TTI2: variants seen among roughly 807,000 people sequenced by gnomAD.
TTI2 encodes the protein TELO2 interacting protein 2.
Under a neutral mutation model 44.9 loss-of-function variants are expected in TTI2, and 26 were observed. That is an observed-to-expected ratio of 0.58 (90% CI 0.42 to 0.80). TTI2 has a LOEUF of 0.80. Among genes scored for constraint, TTI2 ranks in the 30% least tolerant of loss-of-function variants. TTI2 has a pLI of 0.00. For synonymous variants in TTI2, 254 were observed against 250.9 expected, an observed-to-expected ratio of 1.01 and a Z score of -0.12; for missense variants, 582 against 611.6, an observed-to-expected ratio of 0.95 and a Z score of 0.51.
At position 33,512,058 on chromosome 8, in the gene TTI2, C is replaced by G. The variant is rs1185991901; in HGVS notation, c.556G>C (p.Gly186Arg). 6 of 1,614,098 alleles carry G rather than the reference C, an allele frequency of 3.7e-6. No homozygotes were observed. Among genetic ancestry groups the G allele is most frequent in the Non-Finnish European group, 5.1e-6 (6 of 1,180,004 alleles). Residue 186 changes from glycine (G) to arginine (R), a missense_variant, in exon 2 of 8, where the codon GGT (glycine) becomes CGT (arginine). Physicochemically the swap from Gly to Arg is moderately radical, Grantham distance 125 (BLOSUM62 -2). Coordinates refer to ENST00000431156, the MANE Select transcript of TTI2 (RefSeq NM_001102401.4). ...CCATGTAGGAATCCTGCCACAGAAC[C>G]GCATTCAGTAACTTGAAGCAGTGAG... Reference protein sequence around the residue: ...LTSLLQVTECGSVAGFLHGEN... With the variant: ...LTSLLQVTECRSVAGFLHGEN...
chr8:33,508,617 CA>C (rs55717202), intron 3 of TTI2, among the ~76,000 whole-genome samples: 67 of 63,968 alleles, frequency 1.0e-3, no homozygotes, highest in South Asian at 6.3e-3. Flanking sequence ...GACTCTGCCT[CA>C]AAAAAAAAAA....
At chr8:33,505,779 G>A (rs924019830) in intron 4 of TTI2, among the ~76,000 whole-genome samples, 2 of 152,054 alleles carry the variant, frequency 1.3e-5, no homozygotes, top group East Asian at 1.9e-4. Flanking sequence ...TCAGCCTTCC[G>A]AGTAGCTGTG....
chr8:33,509,629 TA>T, intron 3 of TTI2, 116 bp downstream of exon 3: 1 of 1,018,966 alleles, frequency 9.8e-7, no homozygotes, highest in Non-Finnish European at 1.5e-6. Context: ...AGGAAAAATA[TA>T]AGGAGAAAAT....
intron 7 of TTI2, 159 bp downstream of exon 7, chr8:33,500,169 T>C (rs1809013723): frequency 2.7e-6 from 2 of 729,130 alleles, no homozygotes; most frequent in East Asian, 5.5e-5. Flanking sequence ...AGAAAAAAGA[T>C]CAAGCTCTTT....
intron 4 of TTI2, 79 bp from the exon 5 acceptor site, chr8:33,504,014 A>G (rs1809205517): frequency 1.4e-6 from 2 of 1,448,116 alleles, no homozygotes; most frequent in South Asian, 2.3e-5. Flanking sequence ...CTAGAACTTC[A>G]TTAATCTACC....
intron 6 of TTI2, among the ~76,000 whole-genome samples, chr8:33,501,496 C>T (rs1047924085): frequency 1.8e-4 from 28 of 152,098 alleles, no homozygotes; most frequent in African/African-American, 5.8e-4. Flanking sequence ...CAATCTGATT[C>T]GATTTTATTC....
chr8:33,507,108 A>T, intron 4 of TTI2, 121 bp downstream of exon 4: 1 of 865,634 alleles, frequency 1.2e-6, no homozygotes, highest in Non-Finnish European at 1.9e-6. Context: ...CAACGCTTTT[A>T]GTTATCATCC....
At chr8:33,509,995 A>G (rs1809466957) in intron 2 of TTI2, 63 bp from the exon 3 acceptor site, 1 of 1,324,412 alleles carries the variant, frequency 7.6e-7, no homozygotes, top group Non-Finnish European at 1.0e-6. Context: ...AAAAAAAAAA[A>G]AAAACTACTT....
intron 4 of TTI2, among the ~76,000 whole-genome samples, chr8:33,504,296 T>TTTTTTTC (rs1809219217): frequency 7.7e-6 from 1 of 129,810 alleles, no homozygotes; most frequent in Admixed American, 7.7e-5. Flanking sequence ...CACATTTTTT[T>TTTTTTTC]TTTTTTTTTT....
intron 4 of TTI2, among the ~76,000 whole-genome samples, chr8:33,505,399 A>G (rs1809258130): frequency 1.3e-5 from 2 of 152,044 alleles, no homozygotes; most frequent in South Asian, 4.1e-4. Flanking sequence ...TTCATCCTTC[A>G]TAAAGCTAAG....
At chr8:33,508,963 G>A (rs1046759081) in intron 3 of TTI2, among the ~76,000 whole-genome samples, 3 of 151,704 alleles carry the variant, frequency 2.0e-5, no homozygotes, top group East Asian at 3.9e-4. Flanking sequence ...CCAATATGGT[G>A]AAACCCCATT....
chr8:33,503,942 G>A lies in TTI2; in HGVS notation c.928-7C>T. On this transcript the variant is annotated splice_region_variant and splice_polypyrimidine_tract_variant and intron_variant, in intron 4 of 7. Transcript: ENST00000431156. ...GCAGACACAGGAGCACAGCCTAGGA[G>A]GAAGGAATGGAAGGACGGTGCATAG... The A allele has an allele frequency of 1.2e-6, 2 of 1,613,776 alleles. No individual in the cohort carries two copies. The highest frequency in any genetic ancestry group is 1.7e-6 in the Non-Finnish European group (2 of 1,179,908).
chr8:33,505,177 C>G lies in TTI2; in HGVS notation c.928-1242G>C, dbSNP rs1273568261. Among the ~76,000 whole-genome samples, 3 of 152,004 alleles carry G rather than the reference C, an allele frequency of 2.0e-5. No individual in the cohort carries two copies. The South Asian group carries it at 6.2e-4, about 32-fold the overall frequency. Reference sequence around the variant, plus strand: ...GGCGAAGGTTGCAATGTGCCAAGATCGCGCCACTGTACTCCGGCCTGCATG... The same window carrying G: ...GGCGAAGGTTGCAATGTGCCAAGATGGCGCCACTGTACTCCGGCCTGCATG... On this transcript the variant is annotated intron_variant, in intron 4 of 7. Coordinates refer to ENST00000431156, the MANE Select transcript of TTI2 (RefSeq NM_001102401.4).
chr8:33,503,438 G>C lies in TTI2; in HGVS notation c.1250C>G (p.Thr417Ser), dbSNP rs199664580. The C allele has an allele frequency of 4.5e-4, 720 of 1,614,164 alleles. 11 individuals carry two copies. The South Asian group carries it at 7.5e-3, about 17-fold the overall frequency. The change falls in exon 6 of 8, where the codon ACT becomes AGT. Residue 417 changes from threonine (T) to serine (S), a missense_variant. Coordinates refer to ENST00000431156, the MANE Select transcript of TTI2 (RefSeq NM_001102401.4). Reference sequence around the variant, plus strand: ...TTAAGGCTGCTATTACCTGGGCCAAGTATGTTGCATGAGAAGTTTTAGGGT... The same window carrying C: ...TTAAGGCTGCTATTACCTGGGCCAACTATGTTGCATGAGAAGTTTTAGGGT... ...LETLKLLMQH[T>S]WPRVSCRLVV...
intron 6 of TTI2, chr8:33,501,124 TAAAATGG>T (rs1382800730): frequency 1.3e-5 from 2 of 152,160 alleles, no homozygotes; most frequent in Non-Finnish European, 2.9e-5. Context: ...CTGTACACTT[TAAAATGG>T]AAAATTTATA....
chr8:33,500,383 T>A lies in TTI2; in HGVS notation c.1367A>T (p.Gln456Leu). 6.2e-7 allele frequency: 1 copy of A among 1,614,206 alleles called. No individual in the cohort carries two copies. Among genetic ancestry groups the A allele is most frequent in the Non-Finnish European group, 8.5e-7 (1 of 1,180,026 alleles). Residue 456 changes from glutamine (Q) to leucine (L), a missense_variant, in exon 7 of 8, where the codon CAG (glutamine) becomes CTG (leucine). Gln to Leu is a moderately radical substitution (Grantham distance 113, BLOSUM62 -2). Transcript: ENST00000431156. ...GAGAATCAGGCAGTCTGTGGCCTCC[T>A]GTAGCAGGGCGCTCTTAACAGACTC... ...TPESVKSALL[Q>L]EATDCLILLD...
Position 33,503,792 on chromosome 8 carries a change from A to C in TTI2, c.1071T>G (p.Leu357=), listed in dbSNP as rs1809191517. ...GGTTTCTTGCGTAGGTCCTGCGTAA[A>C]AGAAGGCGGTGCTCTGGCTCCATGT... The part of the protein sequence containing the change: ...LTHMEPEHRL[L]LRRTYARNLP... Residue 357 remains leucine (L), a synonymous_variant, in exon 5 of 8, where the codon CTT becomes CTG. Transcript: ENST00000431156. 1.9e-6 allele frequency: 3 copies of C among 1,613,926 alleles called. No individual in the cohort carries two copies. The highest frequency in any genetic ancestry group is 2.2e-5 in the South Asian group (2 of 91,080).
intron 4 of TTI2, among the ~76,000 whole-genome samples, chr8:33,505,829 A>G (rs927801564): frequency 3.9e-5 from 6 of 151,974 alleles, no homozygotes; most frequent in African/African-American, 1.4e-4. Flanking sequence ...AATTTTTTGC[A>G]TTTTTAGTAG....
chr8:33,504,277 T>C (rs1292350813), intron 4 of TTI2, among the ~76,000 whole-genome samples: 17 of 149,286 alleles, frequency 1.1e-4, no homozygotes, highest in Non-Finnish European at 1.3e-4. Flanking sequence ...TAGTGATACA[T>C]GATATTTACA....
Sources: gnomAD v4.1 joint callset for allele counts (sites outside exome capture counted in the v4.1 genomes callset) on GRCh38, gnomAD v4.1.1 for gene constraint, MANE v1.5 for transcripts, NCBI Gene and HGNC (gene_info 2026-07-23, HGNC 2026-07-21) for gene names.